The following TRAFD1 variants were observed in gnomAD, a reference collection of about 807,000 sequenced individuals.
TRAFD1 encodes TRAF-type zinc finger domain containing 1, also known as TRAF-type zinc finger domain-containing protein 1.
In TRAFD1, 38 loss-of-function variants were observed where a neutral mutation model predicts 65.3. The observed-to-expected ratio is 0.58, with a 90% confidence interval of 0.45 to 0.76. TRAFD1 has a LOEUF of 0.76. Ranked by LOEUF, TRAFD1 falls within the 30% of genes least tolerant of loss-of-function variation. TRAFD1 has a pLI of 0.00. For synonymous variants in TRAFD1, 223 were observed against 257.2 expected, an observed-to-expected ratio of 0.87 and a Z score of 1.27; for missense variants, 631 against 712.6, an observed-to-expected ratio of 0.89 and a Z score of 1.30.
At chr12:112,145,991 G>C in intron 7 of TRAFD1, among the ~76,000 whole-genome samples, 1 of 146,730 alleles carries the variant, frequency 6.8e-6, no homozygotes. Flanking sequence ...GACACAGGAA[G>C]GGGAACATCA....
At chr12:112,132,676 A>G (rs1262372262) in intron 2 of TRAFD1, among the ~76,000 whole-genome samples, 1 of 152,144 alleles carries the variant, frequency 6.6e-6, no homozygotes, top group Non-Finnish European at 1.5e-5. Context: ...CCACCACTGG[A>G]TGAAAATGAA....
chr12:112,127,169 C>T (rs929171214), intron 1 of TRAFD1, among the ~76,000 whole-genome samples: 2 of 152,104 alleles, frequency 1.3e-5, no homozygotes, highest in East Asian at 3.9e-4. Flanking sequence ...ATGGATTTCC[C>T]CGCATTCCCA....
chr12:112,139,060 G>C (rs1417070928), intron 4 of TRAFD1, among the ~76,000 whole-genome samples: 1 of 151,992 alleles, frequency 6.6e-6, no homozygotes, highest in Non-Finnish European at 1.5e-5. Context: ...TATACCAGCT[G>C]TGCACAGTGG....
In TRAFD1 at chr12:112,137,439, C is replaced by T. The variant is rs997245510; in HGVS notation, c.237+2373C>T. 6.6e-6 allele frequency among the ~76,000 whole-genome samples: 1 copy of T among 152,132 alleles called. No individual in the cohort carries two copies. The highest frequency in any genetic ancestry group is 1.5e-5 in the Non-Finnish European group (1 of 68,018). ...CATGTGGAACCAAGGACAGTTTTCC[C>T]ATTCAGTAGGGAGCATCCCTCAGCC... is the stretch of plus-strand genomic sequence containing the variant. On this transcript the variant is annotated intron_variant, in intron 4 of 11. Coordinates refer to ENST00000412615, the MANE Select transcript of TRAFD1 (RefSeq NM_006700.3). This position sits in a 1 kb window ranked among gnomAD's most constrained non-coding sequence, Gnocchi z 4.2.
At chr12:112,140,405 G>GTCT (rs1279695843) in intron 4 of TRAFD1, among the ~76,000 whole-genome samples, 2 of 146,550 alleles carry the variant, frequency 1.4e-5, no homozygotes, top group Non-Finnish European at 3.0e-5. Context: ...GGGCGACAGT[G>GTCT]CGAGACACTG....
rs1470649422 is a variant in TRAFD1 at position 112,152,105 on chromosome 12, T to C, written c.1584T>C (p.Ser528=). ...TCTACCCAGAAAACATTGTGCCCTC[T>C]TTCTCCCCTGGGCCTTCAGGGAGAT... ...QNLYPENIVP[S]FSPGPSGRYG... The change falls in exon 10 of 12, where the codon TCT becomes TCC. Residue 528 remains serine, a synonymous_variant. Coordinates refer to ENST00000412615, the MANE Select transcript of TRAFD1 (RefSeq NM_006700.3). The surrounding 1 kb of genome is among the most constrained non-coding windows in gnomAD (Gnocchi z 5.0). The C allele has an allele frequency of 2.5e-6, 4 of 1,613,732 alleles. No homozygotes were observed. The East Asian group carries it at 8.9e-5, about 36-fold the overall frequency.
intron 2 of TRAFD1, among the ~76,000 whole-genome samples, chr12:112,132,317 T>C (rs1232585443): frequency 6.6e-6 from 1 of 152,208 alleles, no homozygotes; most frequent in Non-Finnish European, 1.5e-5. Flanking sequence ...AAAATATTCA[T>C]ACATAATCCC....
At chr12:112,133,596 C>A (rs1424424360) in intron 2 of TRAFD1, among the ~76,000 whole-genome samples, 1 of 151,994 alleles carries the variant, frequency 6.6e-6, no homozygotes, top group Non-Finnish European at 1.5e-5. Context: ...CATCTGACTT[C>A]ATGTTGTGAT....
intron 7 of TRAFD1, among the ~76,000 whole-genome samples, chr12:112,146,225 C>CA (rs766339761): frequency 0.2 from 13,113 of 66,780 alleles, 2,316 homozygotes; most frequent in East Asian, 0.85. Flanking sequence ...GAAATAACAG[C>CA]AAAAAAAAAA....
In TRAFD1 at chr12:112,148,252, C is replaced by T. The variant is rs1308113916; in HGVS notation, c.1106C>T (p.Pro369Leu). 6.2e-7 allele frequency: 1 copy of T among 1,614,150 alleles called. No homozygotes were observed. Among genetic ancestry groups the T allele is most frequent in the South Asian group, 1.1e-5 (1 of 91,072 alleles). Residue 369 changes from proline (P) to leucine (L), a missense_variant, in exon 8 of 12, where the codon CCA becomes CTA. Pro to Leu is a moderately conservative substitution (Grantham distance 98, BLOSUM62 -3). Transcript: ENST00000412615. ...SHPVEESIIIPCEFCGVQLEE... is the reference protein window; with the variant it reads ...SHPVEESIIILCEFCGVQLEE... ...CCTGTGGAGGAGAGCATCATTATCCCATGTGAATTCTGTGGGGTACAGCTG... is the reference window on the plus strand; with the variant it reads ...CCTGTGGAGGAGAGCATCATTATCCTATGTGAATTCTGTGGGGTACAGCTG...
At position 112,152,021 on chromosome 12, in the gene TRAFD1, C is replaced by T. The variant is rs748101444; in HGVS notation, c.1500C>T (p.Asp500=). The part of the protein sequence containing the change: ...DSQDIQGRNR[D]SQNGAIAPGH... ...AGGACATCCAGGGGCGGAATCGAGACAGCCAGAATGGGGCCATAGCCCCTG... is the reference window on the plus strand; with the variant it reads ...AGGACATCCAGGGGCGGAATCGAGATAGCCAGAATGGGGCCATAGCCCCTG... Residue 500 remains aspartate, a synonymous_variant, in exon 10 of 12, where the codon GAC becomes GAT. Transcript: ENST00000412615. This position sits in a 1 kb window ranked among gnomAD's most constrained non-coding sequence, Gnocchi z 5.0. 5 of 1,614,262 alleles carry T rather than the reference C, an allele frequency of 3.1e-6. No homozygotes were observed. In the East Asian group the frequency reaches 8.9e-5, roughly 29 times the overall value.
Position 112,152,899 on chromosome 12 carries a change from T to C in TRAFD1, c.*108T>C. ...CTTTGGGTGGGAGAGTTTTTCCAGA[T>C]TTTAGATTTTTCTAGGTTATGGCCA... On this transcript the variant is annotated 3_prime_UTR_variant, in exon 12 of 12. Transcript: ENST00000412615. This position sits in a 1 kb window ranked among gnomAD's most constrained non-coding sequence, Gnocchi z 5.0. 1.5e-6 allele frequency: 2 copies of C among 1,354,262 alleles called. No homozygotes were observed. Among genetic ancestry groups the C allele is most frequent in the Non-Finnish European group, 2.0e-6 (2 of 982,706 alleles). The allele number at this position is 1,354,262 out of a possible 1,614,324, so 83.9% of individuals were successfully genotyped here.
intron 6 of TRAFD1, among the ~76,000 whole-genome samples, chr12:112,143,634 T>C (rs191158894): frequency 1.7e-4 from 26 of 152,302 alleles, no homozygotes; most frequent in African/African-American, 6.3e-4. Flanking sequence ...GATTATATAT[T>C]TCATTTTGAG....
intron 2 of TRAFD1, chr12:112,133,373 G>C (rs2079575678): frequency 6.6e-6 from 1 of 152,208 alleles, no homozygotes; most frequent in Non-Finnish European, 1.5e-5. Flanking sequence ...CTGTCCAAAA[G>C]CTGGAGTCTT....
Position 112,135,003 on chromosome 12 carries a change from C to G in TRAFD1, c.184-10C>G. On this transcript the variant is annotated splice_polypyrimidine_tract_variant and intron_variant, in intron 3 of 11. Transcript: ENST00000412615. Reference sequence around the variant, plus strand: ...AAAGCCAATTTACTGATTCTCACTTCTTACTCTAGGTGACCTGCAAATGTA... The same window carrying G: ...AAAGCCAATTTACTGATTCTCACTTGTTACTCTAGGTGACCTGCAAATGTA... 1.2e-6 allele frequency: 2 copies of G among 1,614,194 alleles called. No homozygotes were observed. The highest frequency in any genetic ancestry group is 1.1e-5 in the South Asian group (1 of 91,058).
At position 112,134,738 on chromosome 12, in the gene TRAFD1, C is replaced by CA; in HGVS notation, c.54dup (p.Glu19ArgfsTer6). 2 of 1,610,890 alleles carry CA rather than the reference C, an allele frequency of 1.2e-6. No homozygotes were observed. The highest frequency in any genetic ancestry group is 1.7e-6 in the Non-Finnish European group (2 of 1,177,306). On this transcript the variant is annotated frameshift_variant and splice_region_variant, in exon 3 of 12. Coordinates refer to ENST00000412615, the MANE Select transcript of TRAFD1 (RefSeq NM_006700.3). LOFTEE classifies it high-confidence loss of function. ...CTTTTTCTTTGGTCTATTTCCGTAG[C>CA]AAAAAAGAAATTCCTGTGTTTAACT...
In TRAFD1 at chr12:112,145,613, G is replaced by A; in HGVS notation, c.878G>A (p.Cys293Tyr). The A allele has an allele frequency of 6.2e-7, 1 of 1,614,144 alleles. No homozygotes were observed. Among genetic ancestry groups the A allele is most frequent in the Non-Finnish European group, 8.5e-7 (1 of 1,180,018 alleles). The change falls in exon 7 of 12, where the codon TGT becomes TAT. Residue 293 changes from cysteine to tyrosine, a missense_variant. Transcript: ENST00000412615. ...KGAADEIMLP[C>Y]EFCEELYPEE... is the part of the protein sequence containing the mutation. ...GCAGCTGACGAGATCATGTTGCCTT[G>A]TGAATTTTGTGAGGAGCTCTACCCA...
intron 7 of TRAFD1, 27 bp downstream of exon 7, chr12:112,145,689 T>C (rs751578241): frequency 8.7e-6 from 14 of 1,608,002 alleles, no homozygotes; most frequent in Non-Finnish European, 1.2e-5. Context: ...TTGAGGACTT[T>C]TAGTAGGATT....
chr12:112,125,953 C>A (rs1280944918), intron 1 of TRAFD1: 1 of 152,214 alleles, frequency 6.6e-6, no homozygotes, highest in African/African-American at 2.4e-5. Flanking sequence ...GCCTAGAGTC[C>A]GAGCCTCGAG....
Sources: gnomAD v4.1 joint callset for allele counts (sites outside exome capture counted in the v4.1 genomes callset) on GRCh38, gnomAD v4.1.1 for gene constraint, Gnocchi (gnomAD v3.1) non-coding constraint, MANE v1.5 for transcripts, NCBI Gene and HGNC (gene_info 2026-07-23, HGNC 2026-07-21) for gene names.